Variants in DAB1 observed in about 807,000 individuals in gnomAD.
The protein encoded by DAB1 is disabled homolog 1.
DAB1 carries 15 observed loss-of-function variants against 64.6 expected under a neutral mutation model. The ratio of observed to expected loss-of-function variants is 0.23; its 90% CI spans 0.16 to 0.36. The LOEUF (loss-of-function observed/expected upper bound fraction) is 0.36, where lower values mean the gene tolerates loss of function less well. Ranked by LOEUF, DAB1 falls within the 10% of genes least tolerant of loss-of-function variation. The pLI is 1.00. For synonymous variants in DAB1, 235 were observed against 251.9 expected (o/e 0.93, Z 0.64); for missense variants, 596 against 706.7 (o/e 0.84, Z 1.78).
chr1:58,371,173 T>C (rs2100534993), intron 3 of DAB1, among the ~76,000 whole-genome samples: 1 of 152,282 alleles, frequency 6.6e-6, no homozygotes, highest in Middle Eastern at 3.4e-3. Flanking sequence ...ATATGGACAA[T>C]GAAGTCTGGG....
intron 6 of DAB1, among the ~76,000 whole-genome samples, chr1:57,680,446 A>G (rs1364922859): frequency 6.6e-6 from 1 of 152,254 alleles, no homozygotes; most frequent in African/African-American, 2.4e-5. Flanking sequence ...TGAAGACTCC[A>G]GGAGAGAATG....
chr1:58,543,135 T>C (rs1381691881), intron 1 of DAB1, among the ~76,000 whole-genome samples: 2 of 152,192 alleles, frequency 1.3e-5, no homozygotes, highest in Non-Finnish European at 2.9e-5. Flanking sequence ...CTACACTTAA[T>C]TGAGCTTCAT....
intron 7 of DAB1, among the ~76,000 whole-genome samples, chr1:57,521,341 G>A (rs1162447418): frequency 1.3e-5 from 2 of 152,148 alleles, no homozygotes; most frequent in African/African-American, 2.4e-5. Context: ...GATGCACAAA[G>A]GAGCAATTCC....
rs896181325 is a variant in DAB1 at position 58,202,492 on chromosome 1, G to A, written n.310-51904C>T. On this transcript the variant is annotated intron_variant and non_coding_transcript_variant, in intron 4 of 20. Transcript: ENST00000485760. ...TTTCTCCTCCTCTTGAAGCTGAGCT[G>A]GTCTGTAACTGCTTTGACTAACAGA... Among the ~76,000 whole-genome samples, 7 of 152,280 alleles carry A rather than the reference G, an allele frequency of 4.6e-5. No individual in the cohort carries two copies. In the South Asian group the frequency reaches 1.2e-3, roughly 27 times the overall value.
intron 3 of DAB1, among the ~76,000 whole-genome samples, chr1:58,490,160 T>C (rs193087002): frequency 2.0e-4 from 30 of 152,218 alleles, no homozygotes; most frequent in Admixed American, 1.7e-3. Flanking sequence ...AAGGAGGAAG[T>C]TCGAACCCAT....
intron 6 of DAB1, among the ~76,000 whole-genome samples, chr1:57,704,738 G>T (rs1467565065): frequency 6.6e-6 from 1 of 152,168 alleles, no homozygotes; most frequent in African/African-American, 2.4e-5. Context: ...TCTGACAAAA[G>T]AAGCTGAATC....
chr1:57,695,298 AG>A (rs1646814204), intron 6 of DAB1, among the ~76,000 whole-genome samples: 2 of 55,436 alleles, frequency 3.6e-5, no homozygotes, highest in Admixed American at 1.9e-4. Flanking sequence ...GGGAGAGAGA[AG>A]GAAAGAAAGA....
intron 6 of DAB1, among the ~76,000 whole-genome samples, chr1:57,759,918 A>G (rs1424486584): frequency 2.6e-5 from 4 of 152,188 alleles, no homozygotes; most frequent in African/African-American, 9.6e-5. Flanking sequence ...ATGACTGCAT[A>G]CAAGAGCAAC....
At chr1:57,404,365 T>C (rs941626342) in intron 1 of DAB1, among the ~76,000 whole-genome samples, 1 of 152,234 alleles carries the variant, frequency 6.6e-6, no homozygotes, top group Admixed American at 6.5e-5. Context: ...AAATGCTTAA[T>C]GCAATATCTG....
intron 1 of DAB1, among the ~76,000 whole-genome samples, chr1:57,306,681 C>G (rs1406281673): frequency 6.6e-6 from 1 of 152,018 alleles, no homozygotes; most frequent in Non-Finnish European, 1.5e-5. Flanking sequence ...TTCTGGGTAG[C>G]CTGCTCTTAT....
intron 6 of DAB1, among the ~76,000 whole-genome samples, chr1:57,660,840 C>T (rs1007348783): frequency 2.0e-5 from 3 of 152,324 alleles, no homozygotes; most frequent in East Asian, 1.9e-4. Context: ...GAGCTTCCCA[C>T]GGAATTGATT....
intron 1 of DAB1, among the ~76,000 whole-genome samples, chr1:57,299,164 T>G (rs1673432841): frequency 6.6e-6 from 1 of 152,236 alleles, no homozygotes; most frequent in African/African-American, 2.4e-5. Context: ...TTCTTTTTAT[T>G]AACTAAATTG....
At chr1:58,008,916 C>T (rs532120998) in intron 5 of DAB1, among the ~76,000 whole-genome samples, 4 of 152,216 alleles carry the variant, frequency 2.6e-5, no homozygotes, top group Admixed American at 6.6e-5. Flanking sequence ...CTGGTGCTTG[C>T]TCATTTTCAT....
intron 6 of DAB1, among the ~76,000 whole-genome samples, chr1:57,715,382 C>T (rs1647072361): frequency 1.3e-5 from 2 of 152,118 alleles, no homozygotes; most frequent in Non-Finnish European, 2.9e-5. Context: ...ACAAGGATGC[C>T]CACTTTCACT....
chr1:57,558,550 A>G (rs755393854), intron 7 of DAB1, among the ~76,000 whole-genome samples: 3 of 152,184 alleles, frequency 2.0e-5, no homozygotes, highest in Non-Finnish European at 2.9e-5. Flanking sequence ...TTTCTAATTT[A>G]TATAAACAGA....
intron 6 of DAB1, among the ~76,000 whole-genome samples, chr1:57,757,842 G>T (rs113907047): frequency 6.6e-6 from 1 of 152,040 alleles, no homozygotes; most frequent in African/African-American, 2.4e-5. Context: ...TTTGAGACAG[G>T]GTCTTGCTGT....
intron 3 of DAB1, among the ~76,000 whole-genome samples, chr1:58,446,451 A>T (rs1296629339): frequency 1.3e-5 from 2 of 152,248 alleles, no homozygotes; most frequent in Admixed American, 1.3e-4. Flanking sequence ...TGAACACCAG[A>T]ACACTGGGTT....
At chr1:58,522,192 A>T (rs1646275238) in intron 2 of DAB1, among the ~76,000 whole-genome samples, 1 of 152,176 alleles carries the variant, frequency 6.6e-6, no homozygotes, top group African/African-American at 2.4e-5. Flanking sequence ...GGAGAACATC[A>T]GGAAGAATAG....
intron 6 of DAB1, among the ~76,000 whole-genome samples, chr1:57,753,381 C>G (rs1648644687): frequency 6.6e-6 from 1 of 152,116 alleles, no homozygotes; most frequent in Non-Finnish European, 1.5e-5. Flanking sequence ...TTGGCTGACC[C>G]CTCTGAGGAA....
Sources: allele counts gnomAD v4.1 joint callset (sites outside exome capture counted in the v4.1 genomes callset), GRCh38; gene constraint gnomAD v4.1.1; transcripts MANE v1.5; gene names NCBI Gene and HGNC (gene_info 2026-07-23, HGNC 2026-07-21).